The following COL4A4 variants were observed in gnomAD, a reference collection of about 807,000 sequenced individuals.
The protein encoded by COL4A4 is collagen type IV alpha 4 chain, also known as collagen alpha-4(IV) chain.
Under a neutral mutation model 192.9 loss-of-function variants are expected in COL4A4, and 105 were observed. That is an observed-to-expected ratio of 0.54 (90% CI 0.46 to 0.64). The LOEUF (loss-of-function observed/expected upper bound fraction) is 0.64, where lower values mean the gene tolerates loss of function less well. COL4A4 is among the 30% of genes least tolerant of loss of function. The pLI is 0.00. For synonymous variants in COL4A4, 762 were observed against 769.9 expected (o/e 0.99, Z 0.17); for missense variants, 1,967 against 2,169.3 (o/e 0.91, Z 1.85).
rs768632760 is a variant in COL4A4, at chr2:227,047,529, T to C, written c.3235A>G (p.Ser1079Gly). ...GPKGNKGDPA[S>G]HFGPPGPKGE... The stretch of plus-strand genomic sequence containing the variant: ...TTTGGACCAGGTGGACCAAAGTGAC[T>C]GGCAGGGTCACCTTTGTTTCCTGAA... Residue 1079 changes from serine to glycine, a missense_variant, in exon 35 of 48, where the codon AGT becomes GGT. Physicochemically the swap from Ser to Gly is moderately conservative, Grantham distance 56 (BLOSUM62 0). Transcript: ENST00000396625. 2.5e-6 allele frequency: 4 copies of C among 1,613,656 alleles called. No individual in the cohort carries two copies. Among genetic ancestry groups the C allele is most frequent in the Non-Finnish European group, 3.4e-6 (4 of 1,179,696 alleles).
At chr2:227,007,961 G>A in intron 47 of COL4A4, 57 bp downstream of exon 47, 1 of 1,583,468 alleles carries the variant, frequency 6.3e-7, no homozygotes, top group Non-Finnish European at 8.6e-7. Context: ...AGAAATGGCG[G>A]GAGAAGGTGT....
At chr2:226,976,421 A>G in the COL4A4 span, among the ~76,000 whole-genome samples, 7 of 151,750 alleles carry the variant, frequency 4.6e-5, no homozygotes, top group Admixed American at 2.6e-4. Flanking sequence ...ACCCCAATAT[A>G]GTAACAATTT....
intron 37 of COL4A4, among the ~76,000 whole-genome samples, chr2:227,041,890 G>GA (rs1366769185): frequency 2.7e-5 from 4 of 147,840 alleles, no homozygotes; most frequent in East Asian, 4.0e-4. Flanking sequence ...AAGAAAGAAA[G>GA]AAAGAAAGAA....
chr2:227,132,168 T>C (rs1446842758), intron 4 of COL4A4, among the ~76,000 whole-genome samples: 1 of 152,166 alleles, frequency 6.6e-6, no homozygotes, highest in East Asian at 1.9e-4. Flanking sequence ...TATGCTCCCA[T>C]GCAAAGCAAG....
intron 47 of COL4A4, 131 bp from the exon 48 acceptor site, chr2:227,007,719 A>G (rs1054617271): frequency 5.5e-6 from 7 of 1,275,994 alleles, no homozygotes; most frequent in Non-Finnish European, 7.6e-6. Flanking sequence ...AACAAAATAC[A>G]AGCGCTGAAA....
At chr2:227,001,350 TG>T (rs1382987445), downstream of COL4A4, among the ~76,000 whole-genome samples, 4 of 151,536 alleles carry the variant, frequency 2.6e-5, no homozygotes, top group Admixed American at 1.3e-4. Flanking sequence ...ACCTTGGACA[TG>T]GCTGGTTTTC....
chr2:227,073,372 A>G (rs1164740534), intron 25 of COL4A4, among the ~76,000 whole-genome samples: 1 of 152,130 alleles, frequency 6.6e-6, no homozygotes, highest in Non-Finnish European at 1.5e-5. Flanking sequence ...AAGGAGAACT[A>G]CAAAACACTG....
At chr2:227,049,603 G>C (rs922192205) in intron 34 of COL4A4, among the ~76,000 whole-genome samples, 1 of 152,234 alleles carries the variant, frequency 6.6e-6, no homozygotes, top group East Asian at 1.9e-4. Context: ...GACTTCTTAA[G>C]TGAACTCTTA....
intron 16 of COL4A4, 22 bp from the exon 17 acceptor site, chr2:227,101,579 C>T: frequency 6.5e-6 from 10 of 1,540,798 alleles, no homozygotes; most frequent in Non-Finnish European, 8.7e-6. Context: ...CACAAACATG[C>T]CTTAAAAAAA....
chr2:226,992,170 G>A, the COL4A4 span, among the ~76,000 whole-genome samples: 12 of 152,326 alleles, frequency 7.9e-5, no homozygotes, highest in African/African-American at 2.9e-4. Context: ...TGAATGCAAA[G>A]GTGGGGAAGT....
chr2:227,045,975 G>GTATA (rs1972678861), intron 35 of COL4A4, among the ~76,000 whole-genome samples: 1 of 40,182 alleles, frequency 2.5e-5, no homozygotes, highest in African/African-American at 1.2e-4. Context: ...ATTTATATGT[G>GTATA]TATATGTATA....
intron 34 of COL4A4, among the ~76,000 whole-genome samples, chr2:227,049,043 A>G (rs1281322997): frequency 6.6e-6 from 1 of 152,204 alleles, no homozygotes; most frequent in East Asian, 1.9e-4. Flanking sequence ...CTTTTAACTT[A>G]TATCAAAATA....
chr2:227,089,612 T>TATATATATATATATATAC (rs1383778504), intron 21 of COL4A4, among the ~76,000 whole-genome samples: 4 of 141,868 alleles, frequency 2.8e-5, no homozygotes, highest in South Asian at 2.2e-4. Context: ...TATATATACA[T>TATATATATATATATATAC]ACATATATAT....
At chr2:227,032,794 AC>A (rs1968718417) in intron 38 of COL4A4, among the ~76,000 whole-genome samples, 1 of 152,128 alleles carries the variant, frequency 6.6e-6, no homozygotes, top group Non-Finnish European at 1.5e-5. Context: ...ATAAATTCAA[AC>A]CTAGCAGCAC....
chr2:226,970,924 A>C, the COL4A4 span, among the ~76,000 whole-genome samples: 1 of 152,304 alleles, frequency 6.6e-6, no homozygotes, highest in Admixed American at 6.5e-5. Context: ...GCCCCACATC[A>C]TTTCAAGTGT....
chr2:227,005,949 A>T lies in COL4A4; in HGVS notation c.*1376T>A, dbSNP rs1961995354. 1 of 152,236 alleles carries T rather than the reference A, an allele frequency of 6.6e-6. No individual in the cohort carries two copies. Among genetic ancestry groups the T allele is most frequent in the Non-Finnish European group, 1.5e-5 (1 of 68,048 alleles). 9.4% of individuals were successfully genotyped at this position (152,236 alleles called of 1,614,324 possible). ...GGGATCTTTTGCTTTACAGAAAAAA[A>T]TAATCATTATAAATTGACACACATT... is the stretch of plus-strand genomic sequence containing the variant. On this transcript the variant is annotated 3_prime_UTR_variant, in exon 48 of 48. Coordinates refer to ENST00000396625, the MANE Select transcript of COL4A4 (RefSeq NM_000092.5).
intron 44 of COL4A4, among the ~76,000 whole-genome samples, chr2:227,018,703 G>C (rs895845206): frequency 6.6e-6 from 1 of 152,162 alleles, no homozygotes; most frequent in Non-Finnish European, 1.5e-5. Context: ...AGGTGTTAGA[G>C]AGGTGGCCTT....
chr2:227,128,533 C>T (rs1228873035), intron 4 of COL4A4, among the ~76,000 whole-genome samples: 2 of 152,280 alleles, frequency 1.3e-5, no homozygotes, highest in East Asian at 3.9e-4. Flanking sequence ...CAGCCCTCTG[C>T]CTCCTCCTTC....
Position 227,094,238 on chromosome 2 carries a change from G to C in COL4A4, c.1256C>G (p.Pro419Arg). Reference protein sequence around the residue: ...PQGFPGLPGLPGEAGIPGRPD... With the variant: ...PQGFPGLPGLRGEAGIPGRPD... ...TCTCCCAGGAATACCAGCTTCTCCT[G>C]GAAGCCCAGGAAGACCAGGAAATCC... Residue 419 changes from proline to arginine, a missense_variant, in exon 20 of 48, where the codon CCA (proline) becomes CGA (arginine). Pro to Arg is a moderately radical substitution (Grantham distance 103). Coordinates refer to ENST00000396625, the MANE Select transcript of COL4A4 (RefSeq NM_000092.5). The C allele has an allele frequency of 6.2e-7, 1 of 1,613,854 alleles. No individual in the cohort carries two copies. Among genetic ancestry groups the C allele is most frequent in the Non-Finnish European group, 8.5e-7 (1 of 1,179,952 alleles).
Sources: allele counts gnomAD v4.1 joint callset (sites outside exome capture counted in the v4.1 genomes callset), GRCh38; gene constraint gnomAD v4.1.1; transcripts MANE v1.5; gene names NCBI Gene and HGNC (gene_info 2026-07-23, HGNC 2026-07-21).